The following FOXP2 variants were observed in gnomAD, a reference collection of about 807,000 sequenced individuals.
The protein encoded by FOXP2 is forkhead box P2.
FOXP2 carries 12 observed loss-of-function variants against 115.8 expected under a neutral mutation model. The observed-to-expected ratio is 0.10, with a 90% CI of 0.07 to 0.17. The LOEUF (loss-of-function observed/expected upper bound fraction) is 0.17. FOXP2 is among the 10% of genes least tolerant of loss of function. The pLI is 1.00. For missense variants in FOXP2, 629 were observed against 843.5 expected, an observed-to-expected ratio of 0.75 and a Z score of 3.15; for synonymous variants, 328 against 297.7, an observed-to-expected ratio of 1.10 and a Z score of -1.05.
At chr7:114,286,767 C>A (rs190436748) in intron 1 of FOXP2, among the ~76,000 whole-genome samples, 106 of 152,084 alleles carry the variant, frequency 7.0e-4, no homozygotes, top group Middle Eastern at 6.8e-3. Flanking sequence ...TCGGATTATG[C>A]TCTGTAGAAT....
intron 16 of FOXP2, 171 bp downstream of exon 16, chr7:114,664,607 T>C: frequency 1.3e-6 from 1 of 748,918 alleles, no homozygotes; most frequent in Non-Finnish European, 2.2e-6. Context: ...TCGGTTTTAA[T>C]ACATTTTTTA....
chr7:114,246,046 A>G (rs1795275750), intron 1 of FOXP2, among the ~76,000 whole-genome samples: 1 of 152,184 alleles, frequency 6.6e-6, no homozygotes. Context: ...ACACAGTTAC[A>G]GTGACATGAT....
chr7:114,121,419 CAGAA>C (rs1307491626), intron 1 of FOXP2, among the ~76,000 whole-genome samples: 3 of 151,948 alleles, frequency 2.0e-5, no homozygotes, highest in Admixed American at 1.3e-4. Context: ...CTGACAAAGA[CAGAA>C]AGAAAGGGAA....
At position 114,690,863 on chromosome 7, in the gene FOXP2, T is replaced by A. The variant is rs1392601463; in HGVS notation, c.*937T>A. 6.6e-6 allele frequency: 3 copies of A among 454,532 alleles called. No individual in the cohort carries two copies. The Admixed American group carries it at 7.1e-5, about 11-fold the overall frequency. The allele number at this position is 454,532 out of a possible 1,614,324, so 28.2% of individuals were successfully genotyped here. ...GGAACCTTTTCCATGAACTACCTGC[T>A]GTTTTCTGATGACCTCTGGGATCTT... On this transcript the variant is annotated 3_prime_UTR_variant, in exon 17 of 17. Transcript: ENST00000350908.
At chr7:114,663,012 T>C (rs909076947) in intron 14 of FOXP2, among the ~76,000 whole-genome samples, 1 of 152,188 alleles carries the variant, frequency 6.6e-6, no homozygotes, top group African/African-American at 2.4e-5. Context: ...TATTATGTTG[T>C]CATTTAATTA....
intron 1 of FOXP2, among the ~76,000 whole-genome samples, chr7:114,120,159 TA>T (rs993563974): frequency 1.3e-5 from 2 of 152,022 alleles, no homozygotes; most frequent in Non-Finnish European, 2.9e-5. Flanking sequence ...GTAATTCACT[TA>T]AAAAAAGATT....
At chr7:114,110,100 A>G (rs932682080) in intron 1 of FOXP2, among the ~76,000 whole-genome samples, 1 of 152,142 alleles carries the variant, frequency 6.6e-6, no homozygotes, top group Non-Finnish European at 1.5e-5. Flanking sequence ...ACAGAGCAAC[A>G]TCTTGTTTGG....
chr7:114,097,708 C>G (rs767834982), intron 1 of FOXP2, among the ~76,000 whole-genome samples: 1 of 152,166 alleles, frequency 6.6e-6, no homozygotes, highest in Non-Finnish European at 1.5e-5. Context: ...TCTCATACTG[C>G]CTTTCCTTAT....
intron 1 of FOXP2, among the ~76,000 whole-genome samples, chr7:114,107,652 C>T (rs1791154491): frequency 6.6e-6 from 1 of 151,890 alleles, no homozygotes; most frequent in Non-Finnish European, 1.5e-5. Context: ...TATTCTTTAG[C>T]TCGTTGGTGT....
rs116393826 is a variant in FOXP2, at chr7:114,439,863, C to T, written c.168+13184C>T. Among the ~76,000 whole-genome samples the T allele has an allele frequency of 2.0e-3, 307 of 152,190 alleles. 1 individual carries two copies. The highest frequency in any genetic ancestry group is 7.1e-3 in the African/African-American group (295 of 41,526). ...TGCTGCTGTTACAGACATAAACCAC[C>T]ACACCTGGCCTACATTATCTTAAAA... On this transcript the variant is annotated intron_variant, in intron 2 of 16. Coordinates refer to ENST00000350908, the MANE Select transcript of FOXP2 (RefSeq NM_014491.4).
chr7:114,389,792 G>A (rs1792542542), intron 2 of FOXP2, among the ~76,000 whole-genome samples: 1 of 152,084 alleles, frequency 6.6e-6, no homozygotes, highest in Non-Finnish European at 1.5e-5. Flanking sequence ...GGGAGGCCGA[G>A]GTGGGTGGAT....
intron 2 of FOXP2, among the ~76,000 whole-genome samples, chr7:114,334,188 G>A (rs185929781): frequency 5.9e-5 from 9 of 151,940 alleles, no homozygotes; most frequent in Non-Finnish European, 1.0e-4. Context: ...AGAAATGTGC[G>A]GTAGATCAAC....
At chr7:114,584,677 C>T (rs1388072262) in intron 3 of FOXP2, among the ~76,000 whole-genome samples, 2 of 152,210 alleles carry the variant, frequency 1.3e-5, no homozygotes, top group Non-Finnish European at 2.9e-5. Flanking sequence ...AATATGTTCA[C>T]TTCTTGCCCA....
chr7:114,161,927 C>T (rs192799463), upstream of FOXP2, among the ~76,000 whole-genome samples: 6 of 152,038 alleles, frequency 3.9e-5, no homozygotes, highest in Admixed American at 2.0e-4. Flanking sequence ...ACATTACAGG[C>T]GCATTTCACC....
At chr7:114,548,655 G>A (rs1562991515) in intron 3 of FOXP2, among the ~76,000 whole-genome samples, 2 of 152,120 alleles carry the variant, frequency 1.3e-5, no homozygotes, top group Non-Finnish European at 2.9e-5. Flanking sequence ...TACTTAAAAT[G>A]TTATTAAAGA....
At chr7:114,349,923 T>C (rs1299850537) in intron 2 of FOXP2, among the ~76,000 whole-genome samples, 1 of 152,104 alleles carries the variant, frequency 6.6e-6, no homozygotes, top group Non-Finnish European at 1.5e-5. Flanking sequence ...TTTCAAAGAA[T>C]GACCATAGTT....
intron 1 of FOXP2, among the ~76,000 whole-genome samples, chr7:114,093,420 A>G (rs574953854): frequency 1.3e-5 from 2 of 152,234 alleles, no homozygotes; most frequent in Non-Finnish European, 2.9e-5. Flanking sequence ...AAACATGTTT[A>G]TTTAACATCT....
At chr7:114,357,593 G>A (rs137908785) in intron 2 of FOXP2, among the ~76,000 whole-genome samples, 1 of 152,242 alleles carries the variant, frequency 6.6e-6, no homozygotes, top group Non-Finnish European at 1.5e-5. Context: ...CCTCTTAGGA[G>A]AGAAAGCTTT....
intron 5 of FOXP2, chr7:114,631,165 A>G (rs1352634921): frequency 6.8e-6 from 2 of 294,692 alleles, no homozygotes; most frequent in African/African-American, 4.3e-5. Context: ...CAATTGGAAA[A>G]AAAAAAAAAG....
Sources: allele counts gnomAD v4.1 joint callset (sites outside exome capture counted in the v4.1 genomes callset), GRCh38; gene constraint gnomAD v4.1.1; transcripts MANE v1.5; gene names NCBI Gene and HGNC (gene_info 2026-07-23, HGNC 2026-07-21).